The following DMD variants were observed in gnomAD, a reference collection of about 807,000 sequenced individuals.
DMD encodes the protein mutant dystrophin.
In DMD, 63 loss-of-function variants were observed where a neutral mutation model predicts 330.1. The observed-to-expected ratio is 0.19, with a 90% CI of 0.16 to 0.24. DMD has a LOEUF of 0.24. DMD is among the 10% of genes least tolerant of loss of function. The pLI is 1.00. For missense variants in DMD, 3,344 were observed against 2,684.1 expected (o/e 1.25, Z -5.43); for synonymous variants, 1,223 against 959.8 (o/e 1.27, Z -5.07).
At chrX:32,968,525 CAA>C (rs1343786140) in intron 2 of DMD, among the ~76,000 whole-genome samples, 2 of 111,424 alleles carry the variant, frequency 1.8e-5, no homozygotes, top group Admixed American at 9.6e-5. Flanking sequence ...TGCATATATA[CAA>C]AGTGAACAAA....
chrX:32,054,344 TC>T (rs2096147862), intron 44 of DMD, among the ~76,000 whole-genome samples: 1 of 22,952 alleles, frequency 4.4e-5, no homozygotes, highest in African/African-American at 1.7e-4. Context: ...CCCTCCACCC[TC>T]CCCCCACCCC....
intron 41 of DMD, among the ~76,000 whole-genome samples, chrX:32,317,169 C>T (rs2097585372): frequency 1.8e-5 from 2 of 111,198 alleles, no homozygotes; most frequent in African/African-American, 6.5e-5. Flanking sequence ...CAAGGAAATG[C>T]TATAATCTGA....
intron 1 of DMD, among the ~76,000 whole-genome samples, chrX:33,085,668 C>T (rs1251247333): frequency 1.8e-5 from 2 of 111,878 alleles, no homozygotes; most frequent in Non-Finnish European, 3.8e-5. Flanking sequence ...TTTTATTCTC[C>T]TTTCAAGTCA....
At chrX:32,563,987 T>C (rs140889923) in intron 16 of DMD, among the ~76,000 whole-genome samples, 1 of 111,795 alleles carries the variant, frequency 8.9e-6, no homozygotes, top group Non-Finnish European at 1.9e-5. Flanking sequence ...TCCAATAGTC[T>C]TATTTACTGC....
At chrX:32,540,922 G>T (rs2048426886) in intron 17 of DMD, among the ~76,000 whole-genome samples, 1 of 111,315 alleles carries the variant, frequency 9.0e-6, no homozygotes, top group Non-Finnish European at 1.9e-5. Context: ...CATGTCTGGA[G>T]AGACATCAAA....
intron 41 of DMD, among the ~76,000 whole-genome samples, chrX:32,337,918 C>T (rs1392922433): frequency 1.8e-5 from 2 of 111,103 alleles, no homozygotes; most frequent in Admixed American, 9.6e-5. Context: ...AGCTTTACAT[C>T]GCTGTCTCCT....
intron 2 of DMD, among the ~76,000 whole-genome samples, chrX:32,992,485 T>A (rs1221065861): frequency 8.9e-6 from 1 of 111,944 alleles, no homozygotes; most frequent in Non-Finnish European, 1.9e-5. Context: ...TCATTAAGAA[T>A]AAAACACCCT....
At chrX:32,306,794 G>C (rs149634791) in intron 42 of DMD, among the ~76,000 whole-genome samples, 2 of 111,034 alleles carry the variant, frequency 1.8e-5, no homozygotes, top group Non-Finnish European at 3.8e-5. Flanking sequence ...GATGTGGGCA[G>C]ATATCCTTGT....
chrX:32,468,132 G>T (rs1411972547), intron 23 of DMD, among the ~76,000 whole-genome samples: 1 of 109,730 alleles, frequency 9.1e-6, no homozygotes, highest in South Asian at 3.9e-4. Flanking sequence ...ATATACCTCT[G>T]TATAATGTAT....
chrX:31,355,966 C>T (rs777477541), intron 60 of DMD, among the ~76,000 whole-genome samples: 2 of 111,227 alleles, frequency 1.8e-5, no homozygotes. Flanking sequence ...CCACCTCTAC[C>T]GGCCATCTTC....
intron 40 of DMD, 162 bp downstream of exon 40, chrX:32,342,970 CTT>C (rs2097751682): frequency 3.7e-6 from 2 of 534,134 alleles, no homozygotes; most frequent in Non-Finnish European, 6.4e-6. Flanking sequence ...TTGAATAACA[CTT>C]AATACAATAC....
intron 60 of DMD, among the ~76,000 whole-genome samples, chrX:31,354,422 T>A (rs2058569229): frequency 9.0e-6 from 1 of 111,036 alleles, no homozygotes; most frequent in African/African-American, 3.3e-5. Flanking sequence ...TCTTCCATTT[T>A]TGATGATGAA....
chrX:32,484,981 A>T lies in DMD; in HGVS notation c.2741T>A (p.Phe914Tyr). 1 of 1,211,501 alleles carries T rather than the reference A, an allele frequency of 8.3e-7. No individual in the cohort carries two copies. The highest frequency in any genetic ancestry group is 2.3e-4 in the Middle Eastern group (1 of 4,353). ...AAAGACTTGCTTAAAATGATTTGTA[A>T]AGGCCACAAAGTCTGCATCCAGGAA... ...PMFLDADFVA[F>Y]TNHFKQVFSD... The change falls in exon 21 of 79, where the codon TTT becomes TAT. Residue 914 changes from phenylalanine (F) to tyrosine (Y), a missense_variant. By Grantham distance (22) the Phe-to-Tyr change is conservative. Coordinates refer to ENST00000357033, the MANE Select transcript of DMD (RefSeq NM_004006.3).
chrX:32,531,971 A>T (rs1165185922), intron 17 of DMD, among the ~76,000 whole-genome samples: 1 of 111,098 alleles, frequency 9.0e-6, no homozygotes, highest in Non-Finnish European at 1.9e-5. Context: ...TTTATTTCCC[A>T]ATTTATTATT....
chrX:32,732,393 A>G (rs2067812480), intron 7 of DMD, among the ~76,000 whole-genome samples: 1 of 110,701 alleles, frequency 9.0e-6, no homozygotes. Context: ...CAACATTCAG[A>G]TTCAGGAAAT....
rs12834567 is a variant in DMD at position 33,116,092 on chromosome X, C to T, written c.31+95190G>A. On this transcript the variant is annotated intron_variant, in intron 1 of 78. Transcript: ENST00000357033. ...CCAGTAATCCCTGCTATTCGGGAGG[C>T]TGAGGCAGAAAAATCGCTTGAACCC... Among the ~76,000 whole-genome samples, 772 of 109,695 alleles carry T rather than the reference C, an allele frequency of 7.0e-3. 7 individuals are homozygous for T. The highest frequency in any genetic ancestry group is 0.024 in the African/African-American group (735 of 30,145).
intron 9 of DMD, among the ~76,000 whole-genome samples, chrX:32,669,847 C>A (rs1410641488): frequency 9.0e-6 from 1 of 111,185 alleles, no homozygotes; most frequent in African/African-American, 3.3e-5. Context: ...AAATGTATCT[C>A]CTTGAGCATG....
chrX:31,579,609 A>G (rs768032073), intron 55 of DMD, among the ~76,000 whole-genome samples: 2 of 112,586 alleles, frequency 1.8e-5, no homozygotes, highest in East Asian at 5.5e-4. Flanking sequence ...GTATTAAGGA[A>G]AAAAACACTG....
chrX:32,295,643 T>G (rs949885483), intron 42 of DMD, among the ~76,000 whole-genome samples: 2 of 112,275 alleles, frequency 1.8e-5, no homozygotes, highest in Non-Finnish European at 1.9e-5. Context: ...AGTATGTGTC[T>G]TTAACAGGAT....
Sources: allele counts gnomAD v4.1 joint callset (sites outside exome capture counted in the v4.1 genomes callset), GRCh38; gene constraint gnomAD v4.1.1; transcripts MANE v1.5; gene names NCBI Gene and HGNC (gene_info 2026-07-23, HGNC 2026-07-21).